The following EBF2 variants were observed in gnomAD, a reference collection of about 807,000 sequenced individuals.
EBF2 encodes the protein EBF transcription factor 2.
EBF2 carries 21 observed loss-of-function variants against 72.8 expected under a neutral mutation model. The observed-to-expected ratio is 0.29, with a 90% CI of 0.20 to 0.42. EBF2 has a LOEUF of 0.42. Among genes scored for constraint, EBF2 ranks in the 10% least tolerant of loss-of-function variants. The pLI, the probability that EBF2 is intolerant of heterozygous loss-of-function variation, is 1.00. For missense variants in EBF2, 637 were observed against 731.2 expected (o/e 0.87, Z 1.49); for synonymous variants, 299 against 274.2 (o/e 1.09, Z -0.89).
At chr8:25,886,168 AC>A (rs1297235512) in intron 10 of EBF2, among the ~76,000 whole-genome samples, 1 of 152,178 alleles carries the variant, frequency 6.6e-6, no homozygotes, top group African/African-American at 2.4e-5. Flanking sequence ...GAATTACCAA[AC>A]ATTTCAAATT....
intron 6 of EBF2, among the ~76,000 whole-genome samples, chr8:26,003,529 A>G (rs1043354619): frequency 1.3e-5 from 2 of 152,056 alleles, no homozygotes; most frequent in Non-Finnish European, 2.9e-5. Context: ...AGGACAATGG[A>G]GCTTGTACCA....
chr8:25,846,561 C>T (rs1015854373), intron 15 of EBF2, among the ~76,000 whole-genome samples: 5 of 151,998 alleles, frequency 3.3e-5, no homozygotes, highest in African/African-American at 1.2e-4. Flanking sequence ...TGGTACATGC[C>T]TATAGTCTTA....
At chr8:25,960,082 G>C (rs1481368892) in intron 6 of EBF2, among the ~76,000 whole-genome samples, 1 of 152,184 alleles carries the variant, frequency 6.6e-6, no homozygotes, top group Non-Finnish European at 1.5e-5. Context: ...CTAAGGAAGG[G>C]AGGAGCAGGG....
intron 10 of EBF2, among the ~76,000 whole-genome samples, chr8:25,877,418 G>A (rs1187138148): frequency 6.6e-6 from 1 of 152,314 alleles, no homozygotes; most frequent in East Asian, 1.9e-4. Flanking sequence ...GTTCTCACGT[G>A]GCTCTCTCAA....
At chr8:26,028,778 G>A (rs1315731341) in intron 6 of EBF2, among the ~76,000 whole-genome samples, 1 of 152,232 alleles carries the variant, frequency 6.6e-6, no homozygotes, top group African/African-American at 2.4e-5. Flanking sequence ...CAAGAGCTCA[G>A]CTGAAGGCCA....
chr8:25,945,352 T>A (rs1803749742), intron 6 of EBF2, among the ~76,000 whole-genome samples: 1 of 152,148 alleles, frequency 6.6e-6, no homozygotes, highest in Non-Finnish European at 1.5e-5. Context: ...TTTCTTCCCC[T>A]CTGCAACTCC....
rs764806844 is a variant in EBF2 at position 25,861,340 on chromosome 8, T to C, written c.1133A>G (p.Glu378Gly). ...ATTGTGTGGTGTGCCATAAAGAGCT[T>C]CCACTAGATCTGCAGCTCTTTTCAA... Reference protein sequence around the residue: ...MLLKRAADLVEALYGTPHNNQ... With the variant: ...MLLKRAADLVGALYGTPHNNQ... Residue 378 changes from glutamate (E) to glycine (G), a missense_variant, in exon 12 of 16, where the codon GAA becomes GGA. Transcript: ENST00000520164. 1 of 1,614,170 alleles carries C rather than the reference T, an allele frequency of 6.2e-7. No individual in the cohort carries two copies. The highest frequency in any genetic ancestry group is 8.5e-7 in the Non-Finnish European group (1 of 1,180,022).
chr8:25,935,173 A>T (rs938452881), intron 6 of EBF2, among the ~76,000 whole-genome samples: 5 of 152,036 alleles, frequency 3.3e-5, no homozygotes, highest in African/African-American at 9.7e-5. Flanking sequence ...CATCAGGAAA[A>T]CAAAGCGATG....
chr8:25,980,637 A>G (rs542029265), intron 6 of EBF2, among the ~76,000 whole-genome samples: 6 of 152,040 alleles, frequency 3.9e-5, no homozygotes, highest in African/African-American at 1.4e-4. Context: ...CATGGGAAGA[A>G]AGCACTGAAG....
chr8:26,013,880 C>A (rs1043702434), intron 6 of EBF2, among the ~76,000 whole-genome samples: 3 of 152,260 alleles, frequency 2.0e-5, no homozygotes, highest in African/African-American at 7.2e-5. Context: ...AGGCAGCATC[C>A]GGATATTGCT....
intron 7 of EBF2, among the ~76,000 whole-genome samples, chr8:25,897,655 T>C (rs1802881461): frequency 6.6e-6 from 1 of 152,242 alleles, no homozygotes; most frequent in Non-Finnish European, 1.5e-5. Flanking sequence ...TTTAGGATCA[T>C]GGCCTCCAGC....
Position 25,965,671 on chromosome 8 carries a change from G to A in EBF2, c.552-57116C>T, listed in dbSNP as rs139386316. On this transcript the variant is annotated intron_variant, in intron 6 of 15. Transcript: ENST00000520164. Reference sequence around the variant, plus strand: ...CATTCCAACTAAAGACAAAAGGGTGGACAACTGCTATGAAGGCCACCAGAA... The same window carrying A: ...CATTCCAACTAAAGACAAAAGGGTGAACAACTGCTATGAAGGCCACCAGAA... Among the ~76,000 whole-genome samples the A allele has an allele frequency of 6.8e-4, 103 of 152,208 alleles. No individual in the cohort carries two copies. In the East Asian group the frequency reaches 0.014, roughly 21 times the overall value.
intron 6 of EBF2, among the ~76,000 whole-genome samples, chr8:26,006,710 G>C (rs970784856): frequency 6.6e-6 from 1 of 152,180 alleles, no homozygotes; most frequent in African/African-American, 2.4e-5. Context: ...GTTGGCTATA[G>C]TGAGACAGGG....
At chr8:25,900,264 T>C (rs1355237402) in intron 7 of EBF2, among the ~76,000 whole-genome samples, 2 of 152,180 alleles carry the variant, frequency 1.3e-5, no homozygotes, top group Non-Finnish European at 1.5e-5. Context: ...GAGACCAGCC[T>C]GGGCAACATA....
chr8:25,923,438 A>T (rs781319409), intron 6 of EBF2, among the ~76,000 whole-genome samples: 70 of 152,278 alleles, frequency 4.6e-4, no homozygotes, highest in Non-Finnish European at 9.3e-4. Context: ...TTTCTTTACC[A>T]TCTCTCAGCT....
chr8:26,021,641 A>G (rs1805204528), intron 6 of EBF2, among the ~76,000 whole-genome samples: 1 of 152,246 alleles, frequency 6.6e-6, no homozygotes, highest in South Asian at 2.1e-4. Context: ...GGACAAACTT[A>G]TGCTGAAAAA....
At chr8:25,961,237 A>G (rs1372030660) in intron 6 of EBF2, among the ~76,000 whole-genome samples, 2 of 152,256 alleles carry the variant, frequency 1.3e-5, no homozygotes, top group Non-Finnish European at 2.9e-5. Context: ...AAAATTTTCT[A>G]TAACAGAAGG....
intron 7 of EBF2, among the ~76,000 whole-genome samples, chr8:25,891,448 T>G (rs967944385): frequency 6.6e-5 from 10 of 152,160 alleles, no homozygotes; most frequent in Admixed American, 1.3e-4. Context: ...GGGCACTAAA[T>G]AGGTACAAAA....
intron 6 of EBF2, chr8:26,031,913 A>C (rs1805413784): frequency 6.6e-6 from 1 of 152,240 alleles, no homozygotes; most frequent in Non-Finnish European, 1.5e-5. Context: ...AAAAAAGACC[A>C]GAGCAACCCC....
Sources: allele counts gnomAD v4.1 joint callset (sites outside exome capture counted in the v4.1 genomes callset), GRCh38; gene constraint gnomAD v4.1.1; transcripts MANE v1.5; gene names NCBI Gene and HGNC (gene_info 2026-07-23, HGNC 2026-07-21).